NUDT21: variants seen among roughly 807,000 people sequenced by gnomAD.
The protein encoded by NUDT21 is nudix hydrolase 21.
A neutral mutation model predicts 29.8 loss-of-function variants in NUDT21; 5 were observed. The observed-to-expected ratio is 0.17, with a 90% CI of 0.09 to 0.35. The LOEUF is 0.35. Ranked by LOEUF, NUDT21 falls within the 10% of genes least tolerant of loss-of-function variation. The pLI, the probability that NUDT21 is intolerant of heterozygous loss-of-function variation, is 1.00. For missense variants in NUDT21, 76 were observed against 276.0 expected (o/e 0.28, Z 5.13); for synonymous variants, 113 against 98.5 (o/e 1.15, Z -0.87).
intron 3 of NUDT21, among the ~76,000 whole-genome samples, chr16:56,444,631 A>G (rs1962198057): frequency 6.6e-6 from 1 of 151,874 alleles, no homozygotes; most frequent in African/African-American, 2.4e-5. Context: ...AAAAAAAAAA[A>G]AAAACAAGCC....
At chr16:56,442,600 T>C (rs1189547475) in intron 3 of NUDT21, among the ~76,000 whole-genome samples, 2 of 152,362 alleles carry the variant, frequency 1.3e-5, no homozygotes, top group East Asian at 3.9e-4. Context: ...TAAAACGTCA[T>C]GATGATATGC....
intron 3 of NUDT21, among the ~76,000 whole-genome samples, chr16:56,441,268 G>A (rs932928905): frequency 7.3e-5 from 11 of 150,482 alleles, no homozygotes; most frequent in Admixed American, 2.6e-4. Flanking sequence ...ACAGAGTCTC[G>A]CTCTGTTGCC....
At chr16:56,442,285 C>G (rs1253245733) in intron 3 of NUDT21, among the ~76,000 whole-genome samples, 1 of 152,210 alleles carries the variant, frequency 6.6e-6, no homozygotes, top group Non-Finnish European at 1.5e-5. Flanking sequence ...GGTGAACACC[C>G]TCTAGTAGCT....
At chr16:56,433,765 G>A (rs553317719) in intron 6 of NUDT21, among the ~76,000 whole-genome samples, 1 of 152,004 alleles carries the variant, frequency 6.6e-6, no homozygotes, top group South Asian at 2.1e-4. Context: ...TCAGTTCATT[G>A]CAACCTCTGC....
At chr16:56,441,589 G>C (rs1354847153) in intron 3 of NUDT21, among the ~76,000 whole-genome samples, 7 of 152,198 alleles carry the variant, frequency 4.6e-5, no homozygotes, top group African/African-American at 1.7e-4. Flanking sequence ...TACTATGAAT[G>C]AGAATTTAGA....
At position 56,439,964 on chromosome 16, in the gene NUDT21, T is replaced by C. The variant is rs1962142095; in HGVS notation, c.382-218A>G. 2.6e-5 allele frequency among the ~76,000 whole-genome samples: 4 copies of C among 152,228 alleles called. No individual in the cohort carries two copies. The South Asian group carries it at 8.3e-4, about 32-fold the overall frequency. ...CAAGCTAGTATCAACATAAAAATTG[T>C]GTTCAAAATTCAGCTTTCATTTTTA... On this transcript the variant is annotated intron_variant, in intron 3 of 6. Coordinates refer to ENST00000300291, the MANE Select transcript of NUDT21 (RefSeq NM_007006.3).
chr16:56,434,797 A>G lies in NUDT21; in HGVS notation c.504T>C (p.Pro168=), dbSNP rs1962076425. 6.2e-7 allele frequency: 1 copy of G among 1,601,624 alleles called. No individual in the cohort carries two copies. The highest frequency in any genetic ancestry group is 8.5e-7 in the Non-Finnish European group (1 of 1,169,804). The part of the protein sequence containing the change: ...YPYIPAHITK[P]KEHKKLFLVQ... ...CCAGAAACAACTTCTTATGTTCCTT[A>G]GGCTTTGTAATATGTGCAGGAATAT... Residue 168 remains proline (P), a synonymous_variant, in exon 5 of 7, where the codon CCT becomes CCC. Coordinates refer to ENST00000300291, the MANE Select transcript of NUDT21 (RefSeq NM_007006.3).
chr16:56,443,090 ATAGT>A lies in NUDT21; in HGVS notation c.382-3348_382-3345del, dbSNP rs553957144. On this transcript the variant is annotated intron_variant, in intron 3 of 6. Coordinates refer to ENST00000300291, the MANE Select transcript of NUDT21 (RefSeq NM_007006.3). ...AGAAGTTTTCTCCAAAAGCCTGGTG[ATAGT>A]TGGTTGTGTACTCACAAGGGAGAAG... Among the ~76,000 whole-genome samples the A allele has an allele frequency of 2.7e-3, 410 of 151,936 alleles. 1 individual carries two copies. The highest frequency in any genetic ancestry group is 0.01 in the Middle Eastern group (3 of 292).
chr16:56,449,534 A>G (rs1478394269), intron 1 of NUDT21, among the ~76,000 whole-genome samples: 1 of 152,220 alleles, frequency 6.6e-6, no homozygotes, highest in Non-Finnish European at 1.5e-5. Flanking sequence ...GTATTTACAC[A>G]GGAGAGGAAA....
chr16:56,444,832 A>C (rs1242389652), intron 3 of NUDT21, among the ~76,000 whole-genome samples: 2 of 152,174 alleles, frequency 1.3e-5, no homozygotes, highest in Non-Finnish European at 2.9e-5. Flanking sequence ...CACAGGTTGA[A>C]CATCCCAATC....
At chr16:56,448,621 C>T (rs1962245079) in intron 1 of NUDT21, among the ~76,000 whole-genome samples, 1 of 152,166 alleles carries the variant, frequency 6.6e-6, no homozygotes, top group Admixed American at 6.5e-5. Context: ...TCATCTGAAT[C>T]TTCTACCCAC....
intron 4 of NUDT21, 85 bp from the exon 5 acceptor site, chr16:56,434,914 GTTGGGAGAAGCATAC>G (rs1962078977): frequency 1.3e-6 from 1 of 790,160 alleles, no homozygotes; most frequent in Non-Finnish European, 2.1e-6. Context: ...AGTATAAACT[GTTGGGAGAAGCATAC>G]TACTTTCTGT....
intron 3 of NUDT21, among the ~76,000 whole-genome samples, chr16:56,445,746 C>T (rs1218905345): frequency 1.3e-5 from 2 of 152,174 alleles, no homozygotes; most frequent in Non-Finnish European, 2.9e-5. Flanking sequence ...CATCTGTTTT[C>T]CAGTTTCCAA....
chr16:56,433,314 A>G (rs563553769), intron 6 of NUDT21, among the ~76,000 whole-genome samples: 1 of 152,344 alleles, frequency 6.6e-6, no homozygotes, highest in South Asian at 2.1e-4. Context: ...TGGTCCTCAT[A>G]ATCCTCTGAA....
chr16:56,436,946 G>A (rs1962111112), intron 4 of NUDT21, among the ~76,000 whole-genome samples: 1 of 152,152 alleles, frequency 6.6e-6, no homozygotes, highest in Non-Finnish European at 1.5e-5. Flanking sequence ...ATTCAGAAAA[G>A]TTATCTGGAA....
intron 5 of NUDT21, 76 bp downstream of exon 5, chr16:56,434,678 A>G: frequency 1.0e-6 from 1 of 1,003,912 alleles, no homozygotes; most frequent in South Asian, 1.3e-5. Flanking sequence ...AACTTTGAGA[A>G]AACACAAATA....
chr16:56,448,423 AGCC>A (rs1962243224), intron 1 of NUDT21, among the ~76,000 whole-genome samples: 1 of 152,198 alleles, frequency 6.6e-6, no homozygotes, highest in Non-Finnish European at 1.5e-5. Context: ...CCTAAAACTA[AGCC>A]ACCGTTTTTC....
intron 3 of NUDT21, among the ~76,000 whole-genome samples, chr16:56,443,227 C>T (rs1406197588): frequency 2.6e-5 from 4 of 151,058 alleles, no homozygotes; most frequent in Non-Finnish European, 5.9e-5. Flanking sequence ...CCCAGGCTGG[C>T]GTGCAGTGGC....
At chr16:56,441,466 C>T (rs1441865926) in intron 3 of NUDT21, among the ~76,000 whole-genome samples, 1 of 152,154 alleles carries the variant, frequency 6.6e-6, no homozygotes, top group African/African-American at 2.4e-5. Flanking sequence ...ATCTTTTGAC[C>T]TTGTGATCCA....
Sources: allele counts gnomAD v4.1 joint callset (sites outside exome capture counted in the v4.1 genomes callset), GRCh38; gene constraint gnomAD v4.1.1; transcripts MANE v1.5; gene names NCBI Gene and HGNC (gene_info 2026-07-23, HGNC 2026-07-21).